IDE: variants seen among roughly 807,000 people sequenced by gnomAD.
The protein encoded by IDE is insulin-degrading enzyme.
A neutral mutation model predicts 133.2 loss-of-function variants in IDE; 58 were observed. That is an observed-to-expected ratio of 0.44 (90% confidence interval 0.35 to 0.54). The LOEUF is 0.54. Ranked by LOEUF, IDE falls within the 20% of genes least tolerant of loss-of-function variation. IDE has a pLI of 0.00. For missense variants in IDE, 981 were observed against 1,234.0 expected, an observed-to-expected ratio of 0.79 and a Z score of 3.07; for synonymous variants, 396 against 421.3, an observed-to-expected ratio of 0.94 and a Z score of 0.73.
At chr10:92,503,010 A>G (rs1848104816) in intron 11 of IDE, among the ~76,000 whole-genome samples, 1 of 152,244 alleles carries the variant, frequency 6.6e-6, no homozygotes, top group Non-Finnish European at 1.5e-5. Flanking sequence ...TAATTTCTAA[A>G]TAATTTCACA....
Position 92,501,206 on chromosome 10 carries a change from A to T in IDE, c.1430+3588T>A, listed in dbSNP as rs541339734. Among the ~76,000 whole-genome samples the T allele has an allele frequency of 4.0e-5, 6 of 149,484 alleles. No individual in the cohort carries two copies. The East Asian group carries it at 9.9e-4, about 25-fold the overall frequency. ...GAGACTCTCTCTCTACAAAAAAATT[A>T]AAAAATTAGCTGGGCATTGGTGGCA... On this transcript the variant is annotated intron_variant, in intron 11 of 24. Coordinates refer to ENST00000265986, the MANE Select transcript of IDE (RefSeq NM_004969.4).
In IDE at chr10:92,469,003, AT is replaced by A. The variant is rs765871360; in HGVS notation, c.2209-14del. Reference sequence around the variant, plus strand: ...TTCCTAATGCAGCCTATGGAAAAAGATATGTCCCAGCATATTACAAAAACAT... The same window carrying A: ...TTCCTAATGCAGCCTATGGAAAAAGAATGTCCCAGCATATTACAAAAACAT... On this transcript the variant is annotated splice_polypyrimidine_tract_variant and intron_variant, in intron 18 of 24. Coordinates refer to ENST00000265986, the MANE Select transcript of IDE (RefSeq NM_004969.4). 4.9e-6 allele frequency: 7 copies of A among 1,418,310 alleles called. No homozygotes were observed. The East Asian group carries it at 1.1e-4, about 23-fold the overall frequency. The allele number at this position is 1,418,310 out of a possible 1,614,324, so 87.9% of individuals were successfully genotyped here.
intron 4 of IDE, among the ~76,000 whole-genome samples, chr10:92,524,470 ATATATAATATATATTATATTAT>A (rs1849482301): frequency 2.0e-5 from 1 of 49,082 alleles, no homozygotes; most frequent in African/African-American, 8.8e-5. Flanking sequence ...ATTTTATATA[ATATATAATATATATTATATTAT>A]AATATATTTT....
intron 18 of IDE, among the ~76,000 whole-genome samples, chr10:92,469,313 G>C (rs1031424718): frequency 6.6e-6 from 1 of 152,130 alleles, no homozygotes; most frequent in African/African-American, 2.4e-5. Flanking sequence ...GCAAACATAG[G>C]CTTTATTGTA....
In IDE at chr10:92,453,403, T is replaced by C; in HGVS notation, c.*1041A>G. On this transcript the variant is annotated 3_prime_UTR_variant, in exon 25 of 25. Coordinates refer to ENST00000265986, the MANE Select transcript of IDE (RefSeq NM_004969.4). ...AGATTAGACTGGTAGCAACAAGGGA[T>C]TTTAGAGTTTTATGAAGACCTGCTA... The C allele has an allele frequency of 6.6e-6, 1 of 152,196 alleles. No individual in the cohort carries two copies. The highest frequency in any genetic ancestry group is 1.9e-4 in the East Asian group (1 of 5,202). 9.4% of individuals were successfully genotyped at this position (152,196 alleles called of 1,614,324 possible).
rs1176101447 is a variant in IDE, at chr10:92,524,507, AAT to A, written c.661+7239_661+7240del. ...TATTATATTATAATATATTTTATAT[AAT>A]ATATAATATATATTATATTATAATA... is the stretch of plus-strand genomic sequence containing the variant. On this transcript the variant is annotated intron_variant, in intron 4 of 24. Coordinates refer to ENST00000265986, the MANE Select transcript of IDE (RefSeq NM_004969.4). Among the ~76,000 whole-genome samples the A allele has an allele frequency of 1.4e-4, 10 of 73,736 alleles. 1 individual carries two copies. The highest frequency in any genetic ancestry group is 8.9e-4 in the South Asian group (3 of 3,354). The allele number at this position is 73,736 out of a possible 152,430, so 48.4% of individuals were successfully genotyped here. A position where few individuals can be genotyped will look rare whatever the true frequency, so the allele number is the denominator to read the frequency against.
At chr10:92,477,397 T>A (rs918111233) in intron 15 of IDE, among the ~76,000 whole-genome samples, 3 of 152,066 alleles carry the variant, frequency 2.0e-5, no homozygotes, top group African/African-American at 7.2e-5. Flanking sequence ...CTCAAAGCAA[T>A]CTGCCTGCCT....
rs78350622 is a variant in IDE, at chr10:92,451,689, C to A, written c.*2755G>T. ...ACATCGTCCCTGAGAACAATGCTGACTGTGCGGGCTGGACCACTGTCCTAT... is the reference window on the plus strand; with the variant it reads ...ACATCGTCCCTGAGAACAATGCTGAATGTGCGGGCTGGACCACTGTCCTAT... On this transcript the variant is annotated 3_prime_UTR_variant, in exon 25 of 25. Coordinates refer to ENST00000265986, the MANE Select transcript of IDE (RefSeq NM_004969.4). 2,956 of 152,384 alleles carry A rather than the reference C, an allele frequency of 0.019. 45 individuals carry two copies. The highest frequency in any genetic ancestry group is 0.052 in the Admixed American group (799 of 15,294). The allele number at this position is 152,384 out of a possible 1,614,324, so 9.4% of individuals were successfully genotyped here. A position where few individuals can be genotyped will look rare whatever the true frequency, so the allele number is the denominator to read the frequency against.
Position 92,537,451 on chromosome 10 carries a change from C to G in IDE, c.198G>C (p.Gly66=). Residue 66 remains glycine, a synonymous_variant, in exon 2 of 25, where the codon GGG becomes GGC. Transcript: ENST00000265986. ...CTTTGATACCATTGGCCAGCTCTAG[C>G]CCTCGATATTCTCGCTTGTCTTCAG... ...KSPEDKREYR[G]LELANGIKVL... is the part of the protein sequence containing the mutation. 1 of 1,614,012 alleles carries G rather than the reference C, an allele frequency of 6.2e-7. No individual in the cohort carries two copies. Among genetic ancestry groups the G allele is most frequent in the Non-Finnish European group, 8.5e-7 (1 of 1,179,900 alleles).
intron 17 of IDE, among the ~76,000 whole-genome samples, chr10:92,474,293 C>T (rs901776685): frequency 6.6e-6 from 1 of 152,066 alleles, no homozygotes; most frequent in Non-Finnish European, 1.5e-5. Flanking sequence ...GTCTCAAACT[C>T]CTGGGATCAA....
chr10:92,551,329 G>GAA (rs1751225524), intron 1 of IDE, among the ~76,000 whole-genome samples: 1 of 152,116 alleles, frequency 6.6e-6, no homozygotes, highest in Admixed American at 6.5e-5. Context: ...CAGCACTTTG[G>GAA]GAGGCTAAGG....
At chr10:92,517,669 A>ATG (rs1302566787) in intron 4 of IDE, among the ~76,000 whole-genome samples, 1 of 152,114 alleles carries the variant, frequency 6.6e-6, no homozygotes, top group African/African-American at 2.4e-5. Flanking sequence ...TTTCTCACTA[A>ATG]TGACCAGTTC....
chr10:92,573,015 G>A (rs1025099021), intron 1 of IDE: 9 of 985,018 alleles, frequency 9.1e-6, no homozygotes, highest in Non-Finnish European at 1.1e-5. Context: ...CCAGCACAGT[G>A]CCCTGCACTT....
At chr10:92,457,881 A>G (rs1479159174) in intron 22 of IDE, among the ~76,000 whole-genome samples, 1 of 152,142 alleles carries the variant, frequency 6.6e-6, no homozygotes, top group Non-Finnish European at 1.5e-5. Context: ...AGATTCTCAC[A>G]GGCCTGCTCT....
intron 21 of IDE, among the ~76,000 whole-genome samples, 184 bp from the exon 22 acceptor site, chr10:92,461,436 C>G (rs975305097): frequency 6.6e-6 from 1 of 151,988 alleles, no homozygotes; most frequent in African/African-American, 2.4e-5. Context: ...CTCACTGCAA[C>G]CTCTGCCTCC....
intron 1 of IDE, among the ~76,000 whole-genome samples, chr10:92,572,127 C>T (rs2135861224): frequency 6.6e-6 from 1 of 152,302 alleles, no homozygotes; most frequent in African/African-American, 2.4e-5. Flanking sequence ...TTTATAACTA[C>T]AGAGAAAATG....
chr10:92,544,766 G>A (rs896923397), intron 1 of IDE, among the ~76,000 whole-genome samples: 2 of 152,144 alleles, frequency 1.3e-5, no homozygotes, highest in African/African-American at 4.8e-5. Context: ...GTAGTAGGGG[G>A]AGTCTGCAAT....
chr10:92,501,042 G>GA (rs1198437077), intron 11 of IDE, among the ~76,000 whole-genome samples: 88 of 113,162 alleles, frequency 7.8e-4, no homozygotes, highest in Admixed American at 2.1e-3. Context: ...TCCTGTCTCA[G>GA]AAAAAAAAAA....
chr10:92,536,953 G>A (rs544563061), intron 2 of IDE, among the ~76,000 whole-genome samples: 1 of 151,434 alleles, frequency 6.6e-6, no homozygotes, highest in South Asian at 2.1e-4. Flanking sequence ...CAGGTGAATT[G>A]CTTGAACCCA....
Sources: allele counts gnomAD v4.1 joint callset (sites outside exome capture counted in the v4.1 genomes callset), GRCh38; gene constraint gnomAD v4.1.1; transcripts MANE v1.5; gene names NCBI Gene and HGNC (gene_info 2026-07-23, HGNC 2026-07-21).